CRADD: variants seen among roughly 807,000 people sequenced by gnomAD.
CRADD encodes death domain-containing protein CRADD.
A neutral mutation model predicts 15.5 loss-of-function variants in CRADD; 9 were observed. That is an observed-to-expected ratio of 0.58 (90% confidence interval 0.35 to 1.01). CRADD has a LOEUF of 1.01. Among genes scored for constraint, CRADD ranks in the 50% least tolerant of loss-of-function variants. CRADD has a pLI of 0.02. For missense variants in CRADD, 227 were observed against 250.3 expected, an observed-to-expected ratio of 0.91 and a Z score of 0.63; for synonymous variants, 118 against 107.6, an observed-to-expected ratio of 1.10 and a Z score of -0.60.
At chr12:93,711,313 A>T (rs776096641) in intron 2 of CRADD, among the ~76,000 whole-genome samples, 22 of 152,044 alleles carry the variant, frequency 1.4e-4, no homozygotes, top group Non-Finnish European at 3.1e-4. Flanking sequence ...GAGTTACTCA[A>T]CTGCTGCTTG....
chr12:93,731,591 GA>G (rs1338671338), intron 2 of CRADD, among the ~76,000 whole-genome samples: 1 of 152,176 alleles, frequency 6.6e-6, no homozygotes, highest in Non-Finnish European at 1.5e-5. Flanking sequence ...TAGATACAAG[GA>G]AGTCCTCTTT....
At chr12:93,865,795 CT>C (rs1209111184) in intron 2 of CRADD, among the ~76,000 whole-genome samples, 2 of 149,946 alleles carry the variant, frequency 1.3e-5, no homozygotes, top group African/African-American at 4.9e-5. Flanking sequence ...CTTGTTTTTT[CT>C]TTGTATTATT....
intron 2 of CRADD, among the ~76,000 whole-genome samples, chr12:93,797,696 C>T (rs1235311968): frequency 6.6e-6 from 1 of 152,080 alleles, no homozygotes; most frequent in East Asian, 1.9e-4. Context: ...TTTATGTGTG[C>T]TTGGTATGTT....
intron 2 of CRADD, chr12:93,738,417 G>T: frequency 1.4e-6 from 1 of 702,332 alleles, no homozygotes. Flanking sequence ...CCATCATCAG[G>T]CTTCCTAGAG....
chr12:93,812,858 C>T (rs911648463), intron 2 of CRADD, among the ~76,000 whole-genome samples: 15 of 152,168 alleles, frequency 9.9e-5, no homozygotes, highest in African/African-American at 3.1e-4. Flanking sequence ...ATAATGCTAT[C>T]GCAATATACC....
At chr12:93,706,667 G>A (rs768733146) in intron 2 of CRADD, among the ~76,000 whole-genome samples, 1 of 152,188 alleles carries the variant, frequency 6.6e-6, no homozygotes, top group African/African-American at 2.4e-5. Context: ...ATTTTGGGGA[G>A]CTTTTGTTTT....
chr12:93,691,255 C>CTT (rs66640128), intron 2 of CRADD, among the ~76,000 whole-genome samples: 12 of 141,562 alleles, frequency 8.5e-5, no homozygotes, highest in African/African-American at 2.3e-4. Flanking sequence ...CTTTTGTTTT[C>CTT]TTTTTTTTTT....
At chr12:93,724,856 A>G (rs1026334429) in intron 2 of CRADD, among the ~76,000 whole-genome samples, 1 of 151,252 alleles carries the variant, frequency 6.6e-6, no homozygotes, top group African/African-American at 2.4e-5. Context: ...TATTATTATT[A>G]TTATCATTAT....
chr12:93,832,496 T>G (rs1373839840), intron 2 of CRADD, among the ~76,000 whole-genome samples: 1 of 152,204 alleles, frequency 6.6e-6, no homozygotes, highest in Non-Finnish European at 1.5e-5. Context: ...TCCATCAGAA[T>G]TGTTATTTTA....
intron 2 of CRADD, among the ~76,000 whole-genome samples, chr12:93,682,887 C>G (rs1272128487): frequency 6.6e-6 from 1 of 152,070 alleles, no homozygotes; most frequent in African/African-American, 2.4e-5. Context: ...CCTGTAAGGA[C>G]TCTTACCTTT....
chr12:93,681,463 A>G (rs1304381418), intron 2 of CRADD, among the ~76,000 whole-genome samples: 1 of 152,194 alleles, frequency 6.6e-6, no homozygotes, highest in Non-Finnish European at 1.5e-5. Context: ...TAACACTGCT[A>G]TTGAAAAAAA....
At chr12:93,761,702 A>G (rs1190985588) in intron 2 of CRADD, among the ~76,000 whole-genome samples, 16 of 152,206 alleles carry the variant, frequency 1.1e-4, no homozygotes, top group Admixed American at 5.2e-4. Context: ...ATTGCCTAAT[A>G]TGGACTCTCT....
chr12:93,742,720 C>G lies in CRADD; in HGVS notation c.298+63648C>G, dbSNP rs373530887. Among the ~76,000 whole-genome samples, 22 of 152,300 alleles carry G rather than the reference C, an allele frequency of 1.4e-4. 3 individuals are homozygous for G. Among genetic ancestry groups the G allele is most frequent in the Admixed American group, 1.4e-3 (21 of 15,302 alleles). On this transcript the variant is annotated intron_variant, in intron 2 of 2. Coordinates refer to ENST00000332896, the MANE Select transcript of CRADD (RefSeq NM_003805.5). Reference sequence around the variant, plus strand: ...AAGGAACACCGGAGAAATGGGCATTCCTTCCGACTGCCCGCCTCCCACTGT... The same window carrying G: ...AAGGAACACCGGAGAAATGGGCATTGCTTCCGACTGCCCGCCTCCCACTGT...
chr12:93,751,506 C>T (rs1172405124), intron 2 of CRADD, among the ~76,000 whole-genome samples: 2 of 152,158 alleles, frequency 1.3e-5, no homozygotes, highest in Non-Finnish European at 2.9e-5. Flanking sequence ...TAAAAACTTC[C>T]CAATCACTGC....
chr12:93,861,364 G>C (rs990522406), intron 2 of CRADD, among the ~76,000 whole-genome samples: 2 of 152,220 alleles, frequency 1.3e-5, no homozygotes, highest in African/African-American at 4.8e-5. Context: ...GAAGAGAGGG[G>C]CTCCAATCAA....
rs983406692 is a variant in CRADD at position 93,824,897 on chromosome 12, C to G, written c.299-25073C>G. ...ACAGCTGTCTCTTTGGACCACCCGT[C>G]TTTTTGCCAATTAAATGTTTACATT... On this transcript the variant is annotated intron_variant, in intron 2 of 2. Coordinates refer to ENST00000332896, the MANE Select transcript of CRADD (RefSeq NM_003805.5). The surrounding 1 kb of genome is among the most constrained non-coding windows in gnomAD (Gnocchi z 4.3). Among the ~76,000 whole-genome samples, 2 of 152,142 alleles carry G rather than the reference C, an allele frequency of 1.3e-5. No individual in the cohort carries two copies. Among genetic ancestry groups the G allele is most frequent in the Admixed American group, 1.3e-4 (2 of 15,272 alleles).
intron 2 of CRADD, among the ~76,000 whole-genome samples, chr12:93,808,594 G>A (rs1384151652): frequency 2.6e-5 from 4 of 152,024 alleles, no homozygotes; most frequent in Non-Finnish European, 1.5e-5. Context: ...AGTTTCTCAA[G>A]GAAGCCAATG....
At chr12:93,801,638 A>T (rs886920636) in intron 2 of CRADD, among the ~76,000 whole-genome samples, 3 of 152,190 alleles carry the variant, frequency 2.0e-5, no homozygotes, top group Non-Finnish European at 2.9e-5. Context: ...ACCTCAGGTG[A>T]TCCGCCTGCC....
At chr12:93,778,053 G>A (rs1957158916) in intron 2 of CRADD, among the ~76,000 whole-genome samples, 1 of 152,180 alleles carries the variant, frequency 6.6e-6, no homozygotes, top group South Asian at 2.1e-4. Flanking sequence ...GCCCAAGACA[G>A]TCCATGTGTG....
Sources: allele counts gnomAD v4.1 joint callset (sites outside exome capture counted in the v4.1 genomes callset), GRCh38; gene constraint gnomAD v4.1.1; non-coding constraint Gnocchi (gnomAD v3.1); transcripts MANE v1.5; gene names NCBI Gene and HGNC (gene_info 2026-07-23, HGNC 2026-07-21).